IARS2: variants seen among roughly 807,000 people sequenced by gnomAD.
IARS2 encodes isoleucyl-tRNA synthetase 2, mitochondrial, also known as isoleucine--tRNA ligase, mitochondrial.
A neutral mutation model predicts 126.3 loss-of-function variants in IARS2; 56 were observed. The ratio of observed to expected loss-of-function variants is 0.44; its 90% CI spans 0.36 to 0.55. The LOEUF (loss-of-function observed/expected upper bound fraction) is 0.55. Ranked by LOEUF, IARS2 falls within the 20% of genes least tolerant of loss-of-function variation. IARS2 has a pLI of 0.00. For missense variants in IARS2, 1,127 were observed against 1,245.9 expected, an observed-to-expected ratio of 0.90 and a Z score of 1.44; for synonymous variants, 407 against 441.1, an observed-to-expected ratio of 0.92 and a Z score of 0.97.
At position 220,145,609 on chromosome 1, in the gene IARS2, C is replaced by A; in HGVS notation, c.2852C>A (p.Ala951Glu). ...LLAQEPREMT[A>E]DVIELKGKFL... ...GCTCAGGAACCACGAGAGATGACTG[C>A]AGATGTAATCGAGCTTAAAGGGAAA... Residue 951 changes from alanine to glutamate, a missense_variant, in exon 22 of 23, where the codon GCA becomes GAA. Transcript: ENST00000366922. The A allele has an allele frequency of 5.6e-6, 9 of 1,613,578 alleles. No individual in the cohort carries two copies. The highest frequency in any genetic ancestry group is 7.6e-6 in the Non-Finnish European group (9 of 1,179,694).
At chr1:220,096,043 G>A in intron 1 of IARS2, 61 bp from the exon 2 acceptor site, 1 of 944,380 alleles carries the variant, frequency 1.1e-6, no homozygotes, top group Non-Finnish European at 1.6e-6. Flanking sequence ...TGTTATTTAT[G>A]GTTAGACTCA....
chr1:220,126,206 C>T (rs1453808877), intron 13 of IARS2, among the ~76,000 whole-genome samples: 8 of 151,898 alleles, frequency 5.3e-5, no homozygotes, highest in African/African-American at 1.9e-4. Context: ...ACCCAGGAGA[C>T]GGAGGTTGCA....
At chr1:220,100,930 T>C (rs1001497654) in intron 3 of IARS2, among the ~76,000 whole-genome samples, 30 of 152,186 alleles carry the variant, frequency 2.0e-4, no homozygotes, top group African/African-American at 7.2e-4. Flanking sequence ...GTAAATTCTT[T>C]TTTCTGCTTT....
At position 220,112,430 on chromosome 1, in the gene IARS2, G is replaced by A. The variant is rs549719915; in HGVS notation, c.1479+1493G>A. On this transcript the variant is annotated intron_variant, in intron 11 of 22. Transcript: ENST00000366922. Reference sequence around the variant, plus strand: ...ATTACAGGCGTGAGCCACCGCGCCCGGCCCGACCACCTACTTTTTACCCCT... The same window carrying A: ...ATTACAGGCGTGAGCCACCGCGCCCAGCCCGACCACCTACTTTTTACCCCT... Among the ~76,000 whole-genome samples, 5 of 61,826 alleles carry A rather than the reference G, an allele frequency of 8.1e-5. 1 individual carries two copies. Among genetic ancestry groups the A allele is most frequent in the African/African-American group, 3.7e-4 (5 of 13,600 alleles). The allele number at this position is 61,826 out of a possible 152,430, so 40.6% of individuals were successfully genotyped here. A position where few individuals can be genotyped will look rare whatever the true frequency, so the allele number is the denominator to read the frequency against.
chr1:220,126,812 T>C lies in IARS2; in HGVS notation c.1806T>C (p.Asp602=), dbSNP rs2102832771. ...PGQDILDIWF[D]SGTSWSYVLP... ...AGGATATTTTGGACATCTGGTTTGATAGCGGAACTTCATGGTCTTATGTTC... is the reference window on the plus strand; with the variant it reads ...AGGATATTTTGGACATCTGGTTTGACAGCGGAACTTCATGGTCTTATGTTC... Residue 602 remains aspartate (D), a synonymous_variant, in exon 14 of 23, where the codon GAT becomes GAC. Transcript: ENST00000366922. 1.2e-6 allele frequency: 2 copies of C among 1,613,188 alleles called. No homozygotes were observed. Among genetic ancestry groups the C allele is most frequent in the Non-Finnish European group, 1.7e-6 (2 of 1,179,740 alleles).
chr1:220,097,211 T>C (rs1361890147), intron 2 of IARS2, among the ~76,000 whole-genome samples: 6 of 151,944 alleles, frequency 3.9e-5, no homozygotes, highest in African/African-American at 9.7e-5. Context: ...GCCACCTGCA[T>C]AGCTGGATCA....
chr1:220,107,177 T>C (rs762137303), intron 10 of IARS2, 26 bp downstream of exon 10: 3 of 1,507,798 alleles, frequency 2.0e-6, no homozygotes, highest in Non-Finnish European at 2.8e-6. Context: ...GTTGATATCA[T>C]ACATGTTTTC....
intron 13 of IARS2, among the ~76,000 whole-genome samples, chr1:220,126,178 G>C (rs1475977670): frequency 1.3e-5 from 2 of 152,092 alleles, no homozygotes; most frequent in East Asian, 3.9e-4. Flanking sequence ...AGGAGGCCGA[G>C]GCAGGAGAAT....
chr1:220,145,559 G>A lies in IARS2; in HGVS notation c.2802G>A (p.Met934Ile), dbSNP rs758514172. The A allele has an allele frequency of 6.2e-7, 1 of 1,613,752 alleles. No homozygotes were observed. The highest frequency in any genetic ancestry group is 1.1e-5 in the South Asian group (1 of 91,026). ...GCACCTCTCAGTTGAATGAATTAAT[G>A]ATGGCTTCTGAGTCAACTTTACTGG... The part of the protein sequence containing the change: ...TSSTSQLNEL[M>I]MASESTLLAQ... Residue 934 changes from methionine to isoleucine, a missense_variant, in exon 22 of 23, where the codon ATG becomes ATA. Physicochemically the swap from Met to Ile is conservative, Grantham distance 10 (BLOSUM62 1). Transcript: ENST00000366922.
rs756654341 is a variant in IARS2 at position 220,100,552 on chromosome 1, C to T, written c.453C>T (p.Pro151=). Residue 151 remains proline (P), a synonymous_variant, in exon 3 of 23, where the codon CCC becomes CCT. Transcript: ENST00000366922. ...ATGGCTCCAAAATACATTTTGTGCCCGGCTGGGATTGTCATGGGTTGCCCA... is the reference window on the plus strand; with the variant it reads ...ATGGCTCCAAAATACATTTTGTGCCTGGCTGGGATTGTCATGGGTTGCCCA... ...MMNGSKIHFV[P]GWDCHGLPIE... 101 of 1,612,800 alleles carry T rather than the reference C, an allele frequency of 6.3e-5. No homozygotes were observed. Among genetic ancestry groups the T allele is most frequent in the Admixed American group, 3.2e-4 (19 of 59,904 alleles).
chr1:220,125,708 G>T (rs1002924926), intron 13 of IARS2, among the ~76,000 whole-genome samples: 1 of 152,054 alleles, frequency 6.6e-6, no homozygotes, highest in African/African-American at 2.4e-5. Context: ...GGGAGGTTGA[G>T]GGGGGAGGAT....
chr1:220,097,320 C>T (rs1357607646), intron 2 of IARS2, among the ~76,000 whole-genome samples: 1 of 151,412 alleles, frequency 6.6e-6, no homozygotes, highest in East Asian at 1.9e-4. Context: ...CCAGTAGTTT[C>T]AGGCTTACAT....
intron 16 of IARS2, 197 bp from the exon 17 acceptor site, chr1:220,137,721 C>T (rs954184715): frequency 3.6e-5 from 20 of 559,590 alleles, no homozygotes; most frequent in Non-Finnish European, 4.1e-5. Context: ...TTGCAGAGCA[C>T]GCTCTTTCTT....
chr1:220,141,977 T>A, intron 20 of IARS2, 29 bp downstream of exon 20: 1 of 1,603,232 alleles, frequency 6.2e-7, no homozygotes. Context: ...ATTCTCTTAA[T>A]GAGAAATATC....
intron 2 of IARS2, among the ~76,000 whole-genome samples, chr1:220,098,865 A>G (rs1386625051): frequency 6.6e-6 from 1 of 152,154 alleles, no homozygotes; most frequent in Non-Finnish European, 1.5e-5. Context: ...TATTAGTTCC[A>G]GTGATTGATT....
intron 11 of IARS2, 75 bp downstream of exon 11, chr1:220,111,012 G>A: frequency 1.4e-6 from 2 of 1,395,180 alleles, no homozygotes; most frequent in Non-Finnish European, 9.8e-7. Context: ...GTGAGGTTGA[G>A]GTGGGGTTTC....
In IARS2 at chr1:220,140,325, G is replaced by T. The variant is rs539870459; in HGVS notation, c.2414+36G>T. 153 of 1,284,582 alleles carry T rather than the reference G, an allele frequency of 1.2e-4. 4 individuals carry two copies. The South Asian group carries it at 1.7e-3, about 15-fold the overall frequency. The allele number at this position is 1,284,582 out of a possible 1,614,324, so 79.6% of individuals were successfully genotyped here. On this transcript the variant is annotated intron_variant, in intron 19 of 22. Coordinates refer to ENST00000366922, the MANE Select transcript of IARS2 (RefSeq NM_018060.4). ...CTAAATATTAAAATGCTTAACAATG[G>T]CCAGGTGTGGTGACTCACGCCTGTA...
At chr1:220,134,357 A>C (rs1353116319) in intron 14 of IARS2, 45 bp from the exon 15 acceptor site, 1 of 1,309,166 alleles carries the variant, frequency 7.6e-7, no homozygotes, top group Non-Finnish European at 1.1e-6. Flanking sequence ...ATTTTAATTA[A>C]CTTAAATTTC....
At chr1:220,110,138 T>TC (rs71560601) in intron 10 of IARS2, among the ~76,000 whole-genome samples, 7,643 of 152,046 alleles carry the variant, frequency 0.05, 259 homozygotes, top group Non-Finnish European at 0.081. Flanking sequence ...CACTACAGCC[T>TC]CCGCTTTAGC....
Sources: allele counts gnomAD v4.1 joint callset (sites outside exome capture counted in the v4.1 genomes callset), GRCh38; gene constraint gnomAD v4.1.1; transcripts MANE v1.5; gene names NCBI Gene and HGNC (gene_info 2026-07-23, HGNC 2026-07-21).